UNC45B: variants seen among roughly 807,000 people sequenced by gnomAD.
UNC45B encodes the protein unc-45 myosin chaperone B.
UNC45B carries 78 observed loss-of-function variants against 98.7 expected under a neutral mutation model. The observed-to-expected ratio is 0.79, with a 90% CI of 0.66 to 0.95. The LOEUF (loss-of-function observed/expected upper bound fraction) is 0.95. UNC45B is among the 40% of genes least tolerant of loss of function. The pLI is 0.00. For synonymous variants in UNC45B, 462 were observed against 480.4 expected, an observed-to-expected ratio of 0.96 and a Z score of 0.50; for missense variants, 1,225 against 1,184.9, an observed-to-expected ratio of 1.03 and a Z score of -0.50.
Position 35,148,131 on chromosome 17 carries a change from G to A in UNC45B, c.1-133G>A, listed in dbSNP as rs75935417. ...ATAGATTTGGGGGTTCTGGGGGTGG[G>A]TCCCTTCCAGGCAGAATCCCCACCA... On this transcript the variant is annotated intron_variant, in intron 1 of 19. Coordinates refer to ENST00000394570, the MANE Select transcript of UNC45B (RefSeq NM_001267052.2). 4,561 of 985,236 alleles carry A rather than the reference G, an allele frequency of 4.6e-3. 72 individuals are homozygous for A. Among genetic ancestry groups the A allele is most frequent in the East Asian group, 0.034 (1,325 of 38,990 alleles). 61.0% of individuals were successfully genotyped at this position (985,236 alleles called of 1,614,324 possible).
chr17:35,185,290 T>G (rs897319569), intron 19 of UNC45B, among the ~76,000 whole-genome samples: 2 of 146,152 alleles, frequency 1.4e-5, no homozygotes, highest in African/African-American at 5.2e-5. Context: ...TGCATTGGTG[T>G]TTTTTTTTAA....
At chr17:35,179,545 T>C (rs897756058) in intron 17 of UNC45B, among the ~76,000 whole-genome samples, 1 of 152,180 alleles carries the variant, frequency 6.6e-6, no homozygotes, top group African/African-American at 2.4e-5. Context: ...ATGTGACACA[T>C]ATGCACCATG....
intron 17 of UNC45B, 66 bp from the exon 18 acceptor site, chr17:35,180,493 C>A: frequency 7.6e-7 from 1 of 1,322,008 alleles, no homozygotes; most frequent in Non-Finnish European, 1.1e-6. Context: ...CCCTGGGTGG[C>A]CAGAAAACCC....
chr17:35,178,756 T>A (rs567362392), intron 17 of UNC45B, among the ~76,000 whole-genome samples: 2 of 152,258 alleles, frequency 1.3e-5, no homozygotes, highest in African/African-American at 2.4e-5. Context: ...TTTCTACATA[T>A]GGCTAGCTAG....
chr17:35,171,159 G>A (rs2092182478), intron 12 of UNC45B, among the ~76,000 whole-genome samples, 163 bp from the exon 13 acceptor site: 1 of 152,146 alleles, frequency 6.6e-6, no homozygotes. Context: ...TTTATGGGGA[G>A]AACCGTTCCT....
intron 4 of UNC45B, among the ~76,000 whole-genome samples, 158 bp from the exon 5 acceptor site, chr17:35,152,734 CG>C (rs1426672991): frequency 6.6e-6 from 1 of 152,158 alleles, no homozygotes; most frequent in African/African-American, 2.4e-5. Context: ...ATTAATTCAT[CG>C]TACTTATCCA....
chr17:35,165,998 C>G (rs1277365751), intron 9 of UNC45B, among the ~76,000 whole-genome samples: 2 of 144,266 alleles, frequency 1.4e-5, no homozygotes, highest in Admixed American at 7.5e-5. Flanking sequence ...TGCCTGTAAT[C>G]CTAGCATTTT....
At chr17:35,176,737 TA>T (rs1482945191) in intron 15 of UNC45B, among the ~76,000 whole-genome samples, 1 of 152,182 alleles carries the variant, frequency 6.6e-6, no homozygotes, top group Non-Finnish European at 1.5e-5. Flanking sequence ...GGGCAGAAAG[TA>T]AAAAATTTGT....
At chr17:35,164,908 A>C (rs1354884655) in intron 9 of UNC45B, among the ~76,000 whole-genome samples, 4 of 144,568 alleles carry the variant, frequency 2.8e-5, no homozygotes, top group African/African-American at 5.2e-5. Context: ...TTTTTCTGTC[A>C]CCCGGGCTGG....
chr17:35,175,439 G>A (rs866031454), intron 14 of UNC45B, among the ~76,000 whole-genome samples: 5 of 152,272 alleles, frequency 3.3e-5, no homozygotes, highest in Middle Eastern at 6.8e-3. Context: ...AGCTGGTAAG[G>A]CCTCCTGGGG....
In UNC45B at chr17:35,188,632, C is replaced by T. The variant is rs2092316998; in HGVS notation, c.*2073C>T. 1 of 152,112 alleles carries T rather than the reference C, an allele frequency of 6.6e-6. No individual in the cohort carries two copies. Among genetic ancestry groups the T allele is most frequent in the African/African-American group, 2.4e-5 (1 of 41,416 alleles). 9.4% of individuals were successfully genotyped at this position (152,112 alleles called of 1,614,324 possible). A position where few individuals can be genotyped will look rare whatever the true frequency, so the allele number is the denominator to read the frequency against. On this transcript the variant is annotated 3_prime_UTR_variant, in exon 20 of 20. Transcript: ENST00000394570. ...GGGACTACAGGCACACACCACCACC[C>T]CCAGGTAATTAAAAAATTTTTTTTT...
chr17:35,148,468 C>T (rs1289052076), intron 2 of UNC45B, 37 bp downstream of exon 2: 3 of 1,596,978 alleles, frequency 1.9e-6, no homozygotes, highest in Non-Finnish European at 2.6e-6. Context: ...GGGAGTGAGG[C>T]AGAGGGGCTT....
At chr17:35,176,114 C>G (rs1327831178) in intron 15 of UNC45B, 80 bp downstream of exon 15, 1 of 1,406,170 alleles carries the variant, frequency 7.1e-7, no homozygotes, top group African/African-American at 1.4e-5. Flanking sequence ...CCCTCTGCCC[C>G]AACTCGACCT....
intron 7 of UNC45B, among the ~76,000 whole-genome samples, chr17:35,158,538 C>T (rs1284069850): frequency 6.6e-6 from 1 of 152,158 alleles, no homozygotes; most frequent in African/African-American, 2.4e-5. Context: ...CACCAATTCA[C>T]AATCTTCCAT....
chr17:35,156,008 TAGTC>T (rs146267052), intron 7 of UNC45B, among the ~76,000 whole-genome samples: 3 of 152,322 alleles, frequency 2.0e-5, no homozygotes, highest in East Asian at 1.9e-4. Context: ...AATGAAATAT[TAGTC>T]AGCCTTGAAA....
rs1248307959 is a variant in UNC45B, at chr17:35,177,601, A to T, written c.2246A>T (p.Asp749Val). 1 of 1,553,190 alleles carries T rather than the reference A, an allele frequency of 6.4e-7. No homozygotes were observed. The change falls in exon 17 of 20, where the codon GAC becomes GTC. Residue 749 changes from aspartate (D) to valine (V), a missense_variant. Physicochemically the swap from Asp to Val is radical, Grantham distance 152. Coordinates refer to ENST00000394570, the MANE Select transcript of UNC45B (RefSeq NM_001267052.2). The part of the protein sequence containing the change: ...LGLTNLSGRS[D>V]KLRQKIFKER... The stretch of plus-strand genomic sequence containing the variant: ...CTCACCAACCTGTCTGGGCGGAGTG[A>T]CAAACTCCGGTGAGTGTGGTGAGTG...
intron 6 of UNC45B, 126 bp from the exon 7 acceptor site, chr17:35,155,170 G>C (rs2092049867): frequency 2.5e-6 from 3 of 1,194,366 alleles, no homozygotes; most frequent in Non-Finnish European, 3.5e-6. Context: ...TGAGGCAATG[G>C]CTGCCTGGGC....
chr17:35,151,142 G>A (rs1477995734), intron 4 of UNC45B: 1 of 198,694 alleles, frequency 5.0e-6, no homozygotes, highest in Non-Finnish European at 9.9e-6. Flanking sequence ...GGGATTCGGC[G>A]CTGGGCTCTT....
rs1306915571 is a variant in UNC45B at position 35,168,320 on chromosome 17, A to G, written c.1411A>G (p.Lys471Glu). The G allele has an allele frequency of 7.2e-7, 1 of 1,391,330 alleles. No homozygotes were observed. The highest frequency in any genetic ancestry group is 9.4e-7 in the Non-Finnish European group (1 of 1,061,368). The allele number at this position is 1,391,330 out of a possible 1,614,324, so 86.2% of individuals were successfully genotyped here. The part of the protein sequence containing the change: ...NGVSLLKQIY[K>E]TTKNEKIKIR... ...AGTGTCACTGCTCAAACAGATCTAC[A>G]AGACCACCAAAAATGAGAAGATCAA... Residue 471 changes from lysine to glutamate, a missense_variant, in exon 10 of 20, where the codon AAG (lysine) becomes GAG (glutamate). Lys to Glu is a moderately conservative substitution (Grantham distance 56, BLOSUM62 1). Transcript: ENST00000394570.
Sources: gnomAD v4.1 joint callset for allele counts (sites outside exome capture counted in the v4.1 genomes callset) on GRCh38, gnomAD v4.1.1 for gene constraint, MANE v1.5 for transcripts, NCBI Gene and HGNC (gene_info 2026-07-23, HGNC 2026-07-21) for gene names.